The following EPHA6 variants were observed in gnomAD, a reference collection of about 807,000 sequenced individuals.
EPHA6 encodes the protein ephrin type-A receptor 6.
Under a neutral mutation model 112.0 loss-of-function variants are expected in EPHA6, and 50 were observed. The ratio of observed to expected loss-of-function variants is 0.45; its 90% CI spans 0.36 to 0.56. EPHA6 has a LOEUF of 0.56. Ranked by LOEUF, EPHA6 falls within the 20% of genes least tolerant of loss-of-function variation. EPHA6 has a pLI of 0.00. For synonymous variants in EPHA6, 529 were observed against 490.7 expected (o/e 1.08, Z -1.03); for missense variants, 1,280 against 1,417.4 (o/e 0.90, Z 1.56).
chr3:96,992,634 T>TC, intron 3 of EPHA6, among the ~76,000 whole-genome samples: 1 of 151,958 alleles, frequency 6.6e-6, no homozygotes, highest in South Asian at 2.1e-4. Flanking sequence ...TCTGATATAT[T>TC]GATTCTAAGG....
intron 2 of EPHA6, among the ~76,000 whole-genome samples, chr3:96,899,389 A>G (rs962811377): frequency 6.6e-6 from 1 of 152,242 alleles, no homozygotes; most frequent in African/African-American, 2.4e-5. Flanking sequence ...AAAATAAGAT[A>G]ATATATTTTT....
At chr3:97,594,186 A>G (rs2107355838) in intron 12 of EPHA6, among the ~76,000 whole-genome samples, 1 of 152,346 alleles carries the variant, frequency 6.6e-6, no homozygotes, top group South Asian at 2.1e-4. Context: ...GGCAGAAATA[A>G]CATTATGAAG....
At chr3:96,821,698 TTTG>T (rs2033270451) in intron 1 of EPHA6, among the ~76,000 whole-genome samples, 1 of 151,876 alleles carries the variant, frequency 6.6e-6, no homozygotes. Context: ...TAAAAATGTA[TTTG>T]TTATATGACA....
chr3:97,590,753 T>C (rs1161633566), intron 11 of EPHA6, among the ~76,000 whole-genome samples: 1 of 152,194 alleles, frequency 6.6e-6, no homozygotes, highest in Non-Finnish European at 1.5e-5. Flanking sequence ...CTGCATTTGT[T>C]GTCATTATTT....
chr3:96,938,372 T>A (rs1248491268), intron 2 of EPHA6, among the ~76,000 whole-genome samples: 5 of 150,678 alleles, frequency 3.3e-5, no homozygotes, highest in Non-Finnish European at 1.5e-5. Flanking sequence ...TTGAAGCAAT[T>A]GTGAATGGGA....
rs143472793 is a variant in EPHA6 at position 97,479,851 on chromosome 3, T to C, written c.2074+487T>C. 4.9e-4 allele frequency among the ~76,000 whole-genome samples: 75 copies of C among 152,344 alleles called. 2 individuals carry two copies. In the East Asian group the frequency reaches 0.014, roughly 28 times the overall value. On this transcript the variant is annotated intron_variant, in intron 9 of 17. Coordinates refer to ENST00000389672, the MANE Select transcript of EPHA6 (RefSeq NM_001080448.3). Reference sequence around the variant, plus strand: ...AATCCTTGGGCTGACTACAAGGTTATATTCATTTGAGAGATCTATTCCCAA... The same window carrying C: ...AATCCTTGGGCTGACTACAAGGTTACATTCATTTGAGAGATCTATTCCCAA...
intron 9 of EPHA6, among the ~76,000 whole-genome samples, chr3:97,483,492 A>C (rs2091613836): frequency 6.6e-6 from 1 of 152,204 alleles, no homozygotes; most frequent in Admixed American, 6.5e-5. Context: ...GGGAGACCAC[A>C]GGAATAGGGC....
At chr3:96,921,010 T>C (rs2107628485) in intron 2 of EPHA6, among the ~76,000 whole-genome samples, 1 of 152,172 alleles carries the variant, frequency 6.6e-6, no homozygotes, top group East Asian at 1.9e-4. Context: ...ATTACCTGTG[T>C]AAGAAAAGAG....
At chr3:97,226,597 G>A (rs1252531918) in intron 4 of EPHA6, among the ~76,000 whole-genome samples, 178 bp downstream of exon 4, 1 of 152,170 alleles carries the variant, frequency 6.6e-6, no homozygotes, top group East Asian at 1.9e-4. Flanking sequence ...TCAACTCTTT[G>A]TAAAGAATGG....
chr3:96,877,757 AAGCAAAACCTGT>A (rs2037059765), intron 2 of EPHA6, among the ~76,000 whole-genome samples: 1 of 151,904 alleles, frequency 6.6e-6, no homozygotes, highest in African/African-American at 2.4e-5. Context: ...TATTTTAGCA[AAGCAAAACCTGT>A]TGTGCTAATA....
chr3:96,872,251 C>A (rs898725606), intron 2 of EPHA6, among the ~76,000 whole-genome samples: 8 of 152,040 alleles, frequency 5.3e-5, no homozygotes, highest in African/African-American at 1.9e-4. Context: ...TTTCTTGAGA[C>A]CATTCCTTTC....
Position 97,301,122 on chromosome 3 carries a change from G to A in EPHA6, c.1606+56835G>A, listed in dbSNP as rs1350344041. Among the ~76,000 whole-genome samples the A allele has an allele frequency of 2.0e-5, 3 of 152,110 alleles. No individual in the cohort carries two copies. The East Asian group carries it at 5.8e-4, about 29-fold the overall frequency. On this transcript the variant is annotated intron_variant, in intron 5 of 17. Transcript: ENST00000389672. ...TCTTCAGTCCTGGCAATGATCACTT[G>A]TGTATCTTCTCCCATTACTTTGAGG... is the stretch of plus-strand genomic sequence containing the variant.
chr3:97,024,908 A>C (rs886852787), intron 3 of EPHA6, among the ~76,000 whole-genome samples: 3 of 152,214 alleles, frequency 2.0e-5, no homozygotes, highest in African/African-American at 7.2e-5. Context: ...GGTTTCCAAA[A>C]ACCTGAAAAA....
chr3:96,878,921 A>C (rs915880006), intron 2 of EPHA6, among the ~76,000 whole-genome samples: 1 of 120,430 alleles, frequency 8.3e-6, no homozygotes, highest in African/African-American at 4.1e-5. Flanking sequence ...GATAGCACTA[A>C]GTTTGCCATC....
chr3:96,944,582 T>A (rs536291761), intron 2 of EPHA6, among the ~76,000 whole-genome samples: 1 of 152,286 alleles, frequency 6.6e-6, no homozygotes, highest in African/African-American at 2.4e-5. Context: ...ACCTTGGCCG[T>A]GCACAGTGGC....
At chr3:97,720,475 TATGCC>T in intron 15 of EPHA6, 65 bp downstream of exon 15, 1 of 1,430,894 alleles carries the variant, frequency 7.0e-7, no homozygotes, top group South Asian at 1.4e-5. Context: ...GAGGGGGAAT[TATGCC>T]TTTTGTCCTC....
At chr3:97,129,109 G>T (rs931231791) in intron 3 of EPHA6, among the ~76,000 whole-genome samples, 9 of 151,740 alleles carry the variant, frequency 5.9e-5, no homozygotes, top group Non-Finnish European at 1.0e-4. Flanking sequence ...TGCCCATCTT[G>T]GCCTCTGAAA....
chr3:97,639,368 T>G (rs1251598673), intron 14 of EPHA6, among the ~76,000 whole-genome samples: 1 of 152,022 alleles, frequency 6.6e-6, no homozygotes, highest in South Asian at 2.1e-4. Flanking sequence ...TCTTTTATCT[T>G]TACAAATTTA....
At position 96,994,160 on chromosome 3, in the gene EPHA6, T is replaced by C. The variant is rs72916499; in HGVS notation, c.1114+6167T>C. ...TCTTGCTGTATGAACCAGGCTTAAA[T>C]AGATAGAAAGATTATATTAAGCATG... On this transcript the variant is annotated intron_variant, in intron 3 of 17. Coordinates refer to ENST00000389672, the MANE Select transcript of EPHA6 (RefSeq NM_001080448.3). 2,470 of 331,954 alleles carry C rather than the reference T, an allele frequency of 7.4e-3. 54 individuals carry two copies. Among genetic ancestry groups the C allele is most frequent in the African/African-American group, 0.044 (2,131 of 48,760 alleles). 20.6% of individuals were successfully genotyped at this position (331,954 alleles called of 1,614,324 possible).
Sources: gnomAD v4.1 joint callset for allele counts (sites outside exome capture counted in the v4.1 genomes callset) on GRCh38, gnomAD v4.1.1 for gene constraint, MANE v1.5 for transcripts, NCBI Gene and HGNC (gene_info 2026-07-23, HGNC 2026-07-21) for gene names.